Variants in TNR observed in about 807,000 individuals in gnomAD.
The protein encoded by TNR is tenascin R.
TNR carries 45 observed loss-of-function variants against 150.4 expected under a neutral mutation model. That is an observed-to-expected ratio of 0.30 (90% CI 0.24 to 0.38). TNR has a LOEUF of 0.38. Among genes scored for constraint, TNR ranks in the 10% least tolerant of loss-of-function variants. The pLI, the probability that TNR is intolerant of heterozygous loss-of-function variation, is 1.00. For synonymous variants in TNR, 687 were observed against 678.4 expected, an observed-to-expected ratio of 1.01 and a Z score of -0.20; for missense variants, 1,544 against 1,759.1, an observed-to-expected ratio of 0.88 and a Z score of 2.19.
chr1:175,616,128 G>A (rs529153384), intron 1 of TNR, among the ~76,000 whole-genome samples: 2 of 152,282 alleles, frequency 1.3e-5, no homozygotes, highest in African/African-American at 4.8e-5. Flanking sequence ...AGGCTTCCAG[G>A]TCAGCTACGT....
At chr1:175,470,578 G>T (rs537748247) in intron 2 of TNR, among the ~76,000 whole-genome samples, 6 of 152,114 alleles carry the variant, frequency 3.9e-5, no homozygotes, top group Non-Finnish European at 8.8e-5. Flanking sequence ...TTTGACACAG[G>T]CATGCAATGT....
intron 18 of TNR, among the ~76,000 whole-genome samples, chr1:175,353,661 A>G (rs1417361335): frequency 6.6e-6 from 1 of 152,130 alleles, no homozygotes; most frequent in African/African-American, 2.4e-5. Context: ...AGATCATAGG[A>G]ATGCAAAAGT....
chr1:175,472,720 C>G (rs1041544904), intron 2 of TNR, among the ~76,000 whole-genome samples: 6 of 152,158 alleles, frequency 3.9e-5, no homozygotes, highest in African/African-American at 1.4e-4. Flanking sequence ...ATTGGAGGAG[C>G]TGTTAAGTCA....
intron 1 of TNR, among the ~76,000 whole-genome samples, chr1:175,543,096 T>C (rs74127334): frequency 0.018 from 2,803 of 152,242 alleles, 99 homozygotes; most frequent in African/African-American, 0.064. Flanking sequence ...CAAATTGTCA[T>C]TTTGCACCGG....
chr1:175,518,614 T>G (rs1176032761), intron 2 of TNR, among the ~76,000 whole-genome samples: 1 of 152,210 alleles, frequency 6.6e-6, no homozygotes, highest in East Asian at 1.9e-4. Context: ...CATACAATTC[T>G]CACCTGTATC....
intron 2 of TNR, among the ~76,000 whole-genome samples, chr1:175,474,366 G>A (rs1052732846): frequency 6.6e-6 from 1 of 152,162 alleles, no homozygotes; most frequent in Non-Finnish European, 1.5e-5. Context: ...AGAGGCACCA[G>A]GGGTGCATGT....
chr1:175,499,018 T>C (rs1413758383), intron 2 of TNR, among the ~76,000 whole-genome samples: 1 of 152,186 alleles, frequency 6.6e-6, no homozygotes, highest in Non-Finnish European at 1.5e-5. Context: ...AGAGGCAACA[T>C]TAACAGGAAA....
At chr1:175,331,077 C>CTTTCTTTCTTTCCTT (rs61033216) in intron 20 of TNR, among the ~76,000 whole-genome samples, 47 of 94,214 alleles carry the variant, frequency 5.0e-4, no homozygotes, top group East Asian at 1.0e-3. Context: ...TTCTTTCTTT[C>CTTTCTTTCTTTCCTT]CTTCTTTCTT....
At chr1:175,719,855 T>C (rs1667253232) in intron 1 of TNR, among the ~76,000 whole-genome samples, 1 of 152,192 alleles carries the variant, frequency 6.6e-6, no homozygotes, top group Admixed American at 6.5e-5. Context: ...CAGATTCCAC[T>C]TATTTGGCCT....
intron 2 of TNR, among the ~76,000 whole-genome samples, chr1:175,491,711 G>A (rs948441321): frequency 5.9e-5 from 8 of 135,982 alleles, no homozygotes; most frequent in Non-Finnish European, 9.2e-5. Flanking sequence ...GTGCAGTGGC[G>A]TGATCTCCGC....
At chr1:175,354,800 T>A (rs1032201181) in intron 17 of TNR, among the ~76,000 whole-genome samples, 1 of 152,206 alleles carries the variant, frequency 6.6e-6, no homozygotes, top group African/African-American at 2.4e-5. Context: ...GCACTGTACT[T>A]GCTTGAGAGC....
chr1:175,628,597 G>T (rs1664229377), intron 1 of TNR, among the ~76,000 whole-genome samples: 1 of 152,038 alleles, frequency 6.6e-6, no homozygotes, highest in South Asian at 2.1e-4. Context: ...TCATTGGGTG[G>T]TTTCCAGCTG....
chr1:175,615,110 A>T (rs1024145834), intron 1 of TNR, among the ~76,000 whole-genome samples: 2 of 152,200 alleles, frequency 1.3e-5, no homozygotes, highest in African/African-American at 4.8e-5. Context: ...AGATAAATCG[A>T]GGGTGGACAA....
chr1:175,401,078 A>G (rs1373371711), intron 4 of TNR, among the ~76,000 whole-genome samples: 1 of 152,204 alleles, frequency 6.6e-6, no homozygotes, highest in East Asian at 1.9e-4. Context: ...GCACAGAGGT[A>G]CCATGTCAGA....
At chr1:175,385,793 G>A (rs61806420) in intron 8 of TNR, among the ~76,000 whole-genome samples, 8,175 of 152,236 alleles carry the variant, frequency 0.054, 312 homozygotes, top group Middle Eastern at 0.18. Flanking sequence ...TTTATATCAA[G>A]CACAGATCTG....
At chr1:175,550,242 C>A (rs1371401895) in intron 1 of TNR, among the ~76,000 whole-genome samples, 1 of 152,200 alleles carries the variant, frequency 6.6e-6, no homozygotes, top group African/African-American at 2.4e-5. Flanking sequence ...CATGACACTG[C>A]AAACCGGAAG....
Position 175,331,059 on chromosome 1 carries a change from T to TTCTTTCCTTC in TNR, c.3632-825_3632-824insGAAGGAAAGA, listed in dbSNP as rs1557867795. Among the ~76,000 whole-genome samples the TTCTTTCCTTC allele has an allele frequency of 3.8e-4, 46 of 121,844 alleles. 1 individual carries two copies. The highest frequency in any genetic ancestry group is 4.5e-3 in the Middle Eastern group (1 of 222). The allele number at this position is 121,844 out of a possible 152,430, so 79.9% of individuals were successfully genotyped here. On this transcript the variant is annotated intron_variant, in intron 20 of 22. Transcript: ENST00000367674. ...TTTCTTTCTTTCTTTCTTTCTTTCT[T>TTCTTTCCTTC]TCTTTCTTTCTTTCTTTCCTTCTTT...
intron 1 of TNR, among the ~76,000 whole-genome samples, chr1:175,707,014 C>G (rs572847566): frequency 5.3e-5 from 8 of 152,304 alleles, no homozygotes; most frequent in African/African-American, 1.9e-4. Context: ...GGTATTGCAT[C>G]TGGCCTGTCA....
chr1:175,615,988 C>T (rs553523026), intron 1 of TNR, among the ~76,000 whole-genome samples: 26 of 152,260 alleles, frequency 1.7e-4, no homozygotes, highest in African/African-American at 5.3e-4. Flanking sequence ...ATGTGTTTAC[C>T]TAAAGTACAT....
Sources: gnomAD v4.1 joint callset for allele counts (sites outside exome capture counted in the v4.1 genomes callset) on GRCh38, gnomAD v4.1.1 for gene constraint, MANE v1.5 for transcripts, NCBI Gene and HGNC (gene_info 2026-07-23, HGNC 2026-07-21) for gene names.